The following DLGAP4 variants were observed in gnomAD, a reference collection of about 807,000 sequenced individuals.
DLGAP4 encodes the protein DLG associated protein 4.
DLGAP4 carries 18 observed loss-of-function variants against 86.9 expected under a neutral mutation model. The ratio of observed to expected loss-of-function variants is 0.21; its 90% confidence interval spans 0.14 to 0.31. The LOEUF is 0.31. Ranked by LOEUF, DLGAP4 falls within the 10% of genes least tolerant of loss-of-function variation. DLGAP4 has a pLI of 1.00. For missense variants in DLGAP4, 1,085 were observed against 1,362.6 expected (o/e 0.80, Z 3.21); for synonymous variants, 548 against 574.3 (o/e 0.95, Z 0.65).
chr20:36,426,423 G>A (rs960104092), intron 2 of DLGAP4, among the ~76,000 whole-genome samples: 1 of 152,082 alleles, frequency 6.6e-6, no homozygotes, highest in Non-Finnish European at 1.5e-5. Context: ...GCTGAGGCAC[G>A]AGAATCGCTT....
At chr20:36,331,314 G>A (rs1379873460) in intron 1 of DLGAP4, among the ~76,000 whole-genome samples, 1 of 152,064 alleles carries the variant, frequency 6.6e-6, no homozygotes, top group Non-Finnish European at 1.5e-5. Flanking sequence ...TTGGGGTCAG[G>A]TGCCCAGCCA....
intron 7 of DLGAP4, among the ~76,000 whole-genome samples, chr20:36,473,607 T>C (rs1419633460): frequency 1.3e-5 from 2 of 152,198 alleles, no homozygotes; most frequent in Admixed American, 6.5e-5. Flanking sequence ...ATCAATTTTG[T>C]TGCTAGACCA....
At chr20:36,444,494 T>C (rs1236917880) in intron 6 of DLGAP4, among the ~76,000 whole-genome samples, 1 of 152,052 alleles carries the variant, frequency 6.6e-6, no homozygotes, top group Admixed American at 6.6e-5. Flanking sequence ...CAGGCTGGTC[T>C]CAAACTCCCG....
At chr20:36,427,341 G>A (rs1207656200) in intron 2 of DLGAP4, among the ~76,000 whole-genome samples, 1 of 152,058 alleles carries the variant, frequency 6.6e-6, no homozygotes, top group African/African-American at 2.4e-5. Context: ...AGCCGGATGT[G>A]GTGGCATGCA....
intron 1 of DLGAP4, among the ~76,000 whole-genome samples, chr20:36,346,217 C>T (rs1433504389): frequency 1.3e-5 from 2 of 152,246 alleles, no homozygotes; most frequent in African/African-American, 4.8e-5. Context: ...AGTCCAAGGA[C>T]TGACGGCTGT....
intron 2 of DLGAP4, among the ~76,000 whole-genome samples, chr20:36,414,212 C>T (rs190600235): frequency 6.6e-6 from 1 of 152,156 alleles, no homozygotes; most frequent in Non-Finnish European, 1.5e-5. Context: ...AACAACAAAC[C>T]CTGCTTGAAA....
intron 5 of DLGAP4, among the ~76,000 whole-genome samples, chr20:36,441,140 G>C (rs1286377237): frequency 6.6e-6 from 1 of 152,024 alleles, no homozygotes; most frequent in Non-Finnish European, 1.5e-5. Context: ...CCCTCCCTTG[G>C]CTCCCACCTC....
chr20:36,330,744 T>C (rs1433383436), intron 1 of DLGAP4, among the ~76,000 whole-genome samples: 1 of 152,014 alleles, frequency 6.6e-6, no homozygotes, highest in Non-Finnish European at 1.5e-5. Flanking sequence ...GGCTACTTTT[T>C]TGTATTTTTA....
At chr20:36,339,310 A>T (rs1409079546) in intron 1 of DLGAP4, among the ~76,000 whole-genome samples, 6 of 151,726 alleles carry the variant, frequency 4.0e-5, no homozygotes, top group Non-Finnish European at 8.8e-5. Context: ...CTGGTCCCGA[A>T]CTCCTGACCT....
chr20:36,459,061 C>A (rs1414884615), intron 7 of DLGAP4, among the ~76,000 whole-genome samples: 2 of 152,160 alleles, frequency 1.3e-5, no homozygotes, highest in South Asian at 4.1e-4. Context: ...AGCATCTTCA[C>A]CCCCCGGATG....
At chr20:36,317,424 CTTT>C in intron 1 of DLGAP4, among the ~76,000 whole-genome samples, 1 of 103,884 alleles carries the variant, frequency 9.6e-6, no homozygotes, top group Admixed American at 1.1e-4. Context: ...TCTTTCTTTT[CTTT>C]TCTTCTTTCT....
rs2033134924 is a variant in DLGAP4 at position 36,431,724 on chromosome 20, G to A, written c.7G>A (p.Gly3Ser). MK[G>S]LGDSRPRHLS... ...CTGCCCTCGGCCCGGGATCATGAAA[G>A]GCCTCGGTGACAGCCGCCCCCGCCA... The change falls in exon 3 of 13, where the codon GGC becomes AGC. Residue 3 changes from glycine to serine, a missense_variant. By Grantham distance (56) the Gly-to-Ser change is moderately conservative (BLOSUM62 0). This residue lies in a region of DLGAP4 where 1,082 missense variants were observed against 1,344.1 expected (regional missense o/e 0.81). Transcript: ENST00000339266. The surrounding 1 kb of genome is among the most constrained non-coding windows in gnomAD (Gnocchi z 5.1). The A allele has an allele frequency of 6.3e-7, 1 of 1,591,730 alleles. No homozygotes were observed. Among genetic ancestry groups the A allele is most frequent in the Non-Finnish European group, 8.6e-7 (1 of 1,166,506 alleles).
chr20:36,333,043 C>CT (rs1452001535), intron 1 of DLGAP4, among the ~76,000 whole-genome samples: 7 of 152,102 alleles, frequency 4.6e-5, no homozygotes, highest in Non-Finnish European at 7.4e-5. Flanking sequence ...CTTTCTCTCT[C>CT]TTTTTTTACT....
At chr20:36,496,601 A>G in intron 7 of DLGAP4, 104 bp from the exon 8 acceptor site, 1 of 1,495,834 alleles carries the variant, frequency 6.7e-7, no homozygotes, top group Non-Finnish European at 8.9e-7. Context: ...CTAAGCCCAG[A>G]GCTAGGGCCA....
intron 7 of DLGAP4, among the ~76,000 whole-genome samples, chr20:36,451,226 A>G (rs2033727564): frequency 6.6e-6 from 1 of 152,172 alleles, no homozygotes; most frequent in South Asian, 2.1e-4. Context: ...AGCCATACCC[A>G]TAATTGTTTT....
chr20:36,525,250 A>AAAAAAAAAAAAAAC (rs2037663042), intron 11 of DLGAP4, among the ~76,000 whole-genome samples: 1 of 66,590 alleles, frequency 1.5e-5, no homozygotes, highest in Non-Finnish European at 4.4e-5. Flanking sequence ...AAAAAAAAAA[A>AAAAAAAAAAAAAAC]AAAACAAAGA....
intron 1 of DLGAP4, among the ~76,000 whole-genome samples, chr20:36,339,277 G>A (rs538953203): frequency 3.3e-5 from 5 of 152,160 alleles, no homozygotes; most frequent in Non-Finnish European, 5.9e-5. Flanking sequence ...TAGTAGAGAC[G>A]GGGTTTCACC....
In DLGAP4 at chr20:36,436,149, C is replaced by T; in HGVS notation, c.1040C>T (p.Ser347Phe). 1 of 1,594,420 alleles carries T rather than the reference C, an allele frequency of 6.3e-7. No individual in the cohort carries two copies. Among genetic ancestry groups the T allele is most frequent in the Non-Finnish European group, 8.5e-7 (1 of 1,176,646 alleles). The change falls in exon 4 of 13, where the codon TCC (serine) becomes TTC (phenylalanine). Residue 347 changes from serine (S) to phenylalanine (F), a missense_variant. Ser to Phe is a radical substitution (Grantham distance 155). This residue lies in a region of DLGAP4 where 1,082 missense variants were observed against 1,344.1 expected (regional missense o/e 0.81). Transcript: ENST00000339266. ...GGGEWSTTLL[S>F]PRETDAAAEG... Reference sequence around the variant, plus strand: ...GGCGAGTGGAGCACCACGCTGCTGTCCCCACGCGAGACGGATGCCGCGGCC... The same window carrying T: ...GGCGAGTGGAGCACCACGCTGCTGTTCCCACGCGAGACGGATGCCGCGGCC...
chr20:36,382,593 G>C (rs1390846049), intron 2 of DLGAP4, among the ~76,000 whole-genome samples: 1 of 133,876 alleles, frequency 7.5e-6, no homozygotes, highest in African/African-American at 2.8e-5. Flanking sequence ...GCAGTGGCAC[G>C]ATCTCGGCTC....
Sources: allele counts gnomAD v4.1 joint callset (sites outside exome capture counted in the v4.1 genomes callset), GRCh38; gene constraint gnomAD v4.1.1; regional missense constraint gnomAD v4.1.1; non-coding constraint Gnocchi (gnomAD v3.1); transcripts MANE v1.5; gene names NCBI Gene and HGNC (gene_info 2026-07-23, HGNC 2026-07-21).